Variants in BIRC6 observed in about 807,000 individuals in gnomAD.
BIRC6 encodes the protein dual E2 ubiquitin-conjugating enzyme/E3 ubiquitin-protein ligase BIRC6.
In BIRC6, 98 loss-of-function variants were observed where a neutral mutation model predicts 503.3. The ratio of observed to expected loss-of-function variants is 0.19; its 90% confidence interval spans 0.17 to 0.23. The LOEUF is 0.23. Ranked by LOEUF, BIRC6 falls within the 10% of genes least tolerant of loss-of-function variation. The pLI, the probability that BIRC6 is intolerant of heterozygous loss-of-function variation, is 1.00. For synonymous variants in BIRC6, 2,240 were observed against 2,078.7 expected (o/e 1.08, Z -2.11); for missense variants, 5,360 against 5,806.0 (o/e 0.92, Z 2.50).
At chr2:32,379,886 A>G (rs989807192) in intron 2 of BIRC6, among the ~76,000 whole-genome samples, 2 of 151,844 alleles carry the variant, frequency 1.3e-5, no homozygotes, top group Non-Finnish European at 2.9e-5. Flanking sequence ...CCATTTTTCT[A>G]TCTTGATTTG....
intron 71 of BIRC6, among the ~76,000 whole-genome samples, chr2:32,604,891 TTTTC>T (rs1169156127): frequency 1.5e-5 from 2 of 137,350 alleles, no homozygotes; most frequent in Admixed American, 1.5e-4. Flanking sequence ...TTTTCTTTTC[TTTTC>T]TTTTTTTTTT....
At chr2:32,389,446 C>T (rs369444593) in intron 4 of BIRC6, among the ~76,000 whole-genome samples, 5 of 150,844 alleles carry the variant, frequency 3.3e-5, no homozygotes, top group African/African-American at 4.9e-5. Context: ...TTATGCTGCT[C>T]GCCCTGGATT....
At chr2:32,389,825 T>C (rs1208688406) in intron 4 of BIRC6, among the ~76,000 whole-genome samples, 1 of 151,964 alleles carries the variant, frequency 6.6e-6, no homozygotes, top group Non-Finnish European at 1.5e-5. Context: ...GCCTCCTGAG[T>C]AGCTGGAATT....
intron 32 of BIRC6, among the ~76,000 whole-genome samples, chr2:32,471,532 G>A (rs549653660): frequency 6.6e-6 from 1 of 152,222 alleles, no homozygotes; most frequent in East Asian, 1.9e-4. Context: ...CAAATGGCCT[G>A]TATTTTTAAA....
intron 10 of BIRC6, among the ~76,000 whole-genome samples, chr2:32,418,507 G>C (rs1416932782): frequency 6.6e-6 from 1 of 152,156 alleles, no homozygotes. Context: ...TACAACAAAA[G>C]ATGAAGAATC....
intron 21 of BIRC6, among the ~76,000 whole-genome samples, chr2:32,447,661 C>G (rs1487537889): frequency 8.1e-6 from 1 of 122,722 alleles, no homozygotes; most frequent in Non-Finnish European, 1.8e-5. Context: ...GGGCTGACCC[C>G]CCCTCCCCCC....
rs1352393254 is a variant in BIRC6 at position 32,571,922 on chromosome 2, C to T, written c.13145-3234C>T. 2.6e-5 allele frequency among the ~76,000 whole-genome samples: 4 copies of T among 152,046 alleles called. No homozygotes were observed. In the South Asian group the frequency reaches 8.3e-4, roughly 32 times the overall value. ...ATATCCCACAGTTTTTCTGATGTTG[C>T]GTTTCATTTTCATTCATTTCAAAAA... On this transcript the variant is annotated intron_variant, in intron 65 of 73. Coordinates refer to ENST00000421745, the MANE Select transcript of BIRC6 (RefSeq NM_016252.4).
intron 3 of BIRC6, among the ~76,000 whole-genome samples, chr2:32,384,768 T>C (rs532229590): frequency 1.4e-4 from 22 of 152,288 alleles, no homozygotes; most frequent in Non-Finnish European, 2.4e-4. Context: ...TGCCATGGTA[T>C]TTTGCACACA....
chr2:32,517,987 C>T (rs565215891), intron 55 of BIRC6, among the ~76,000 whole-genome samples: 6 of 151,476 alleles, frequency 4.0e-5, no homozygotes, highest in South Asian at 4.2e-4. Context: ...ATGTGCAAAC[C>T]GTTTAGTACT....
At chr2:32,555,136 A>T (rs2058686073) in intron 65 of BIRC6, among the ~76,000 whole-genome samples, 1 of 152,186 alleles carries the variant, frequency 6.6e-6, no homozygotes, top group Non-Finnish European at 1.5e-5. Flanking sequence ...CATGATACTT[A>T]ACTGTATATC....
At chr2:32,386,185 G>C (rs572597569) in intron 3 of BIRC6, among the ~76,000 whole-genome samples, 3 of 152,234 alleles carry the variant, frequency 2.0e-5, no homozygotes, top group Non-Finnish European at 2.9e-5. Context: ...TATTGTTCCT[G>C]CCAGGTAAAA....
intron 46 of BIRC6, among the ~76,000 whole-genome samples, chr2:32,500,610 T>TTG (rs1553467539): frequency 6.9e-6 from 1 of 145,224 alleles, no homozygotes; most frequent in Non-Finnish European, 1.5e-5. Flanking sequence ...GTTTTTGTTT[T>TTG]TTTTTTTTTT....
intron 10 of BIRC6, among the ~76,000 whole-genome samples, chr2:32,425,454 T>TTTCA (rs2043381833): frequency 1.3e-5 from 2 of 149,266 alleles, no homozygotes; most frequent in Non-Finnish European, 3.0e-5. Flanking sequence ...TTTTTTCTCC[T>TTTCA]GTAAATGGGC....
At chr2:32,431,132 G>T (rs1333926418) in intron 12 of BIRC6, 42 bp downstream of exon 12, 1 of 1,167,206 alleles carries the variant, frequency 8.6e-7, no homozygotes, top group Non-Finnish European at 1.2e-6. Flanking sequence ...AGTCCATCTT[G>T]TGTATTTGTC....
chr2:32,604,656 A>G (rs2151592626), intron 71 of BIRC6, among the ~76,000 whole-genome samples: 1 of 152,296 alleles, frequency 6.6e-6, no homozygotes, highest in African/African-American at 2.4e-5. Context: ...GCAGACAATA[A>G]ATTATAGCCA....
chr2:32,385,140 G>GGGGCTAT (rs1391624548), intron 3 of BIRC6, among the ~76,000 whole-genome samples: 1 of 152,218 alleles, frequency 6.6e-6, no homozygotes, highest in Admixed American at 6.5e-5. Flanking sequence ...CCTTGTGATT[G>GGGGCTAT]GGGCTATGAT....
chr2:32,583,396 C>T (rs1168582191), intron 66 of BIRC6, among the ~76,000 whole-genome samples: 1 of 152,120 alleles, frequency 6.6e-6, no homozygotes, highest in Non-Finnish European at 1.5e-5. Flanking sequence ...GTAATAACTG[C>T]ATGGTGTTAA....
chr2:32,501,743 A>T lies in BIRC6; in HGVS notation c.9062A>T (p.Glu3021Val). The T allele has an allele frequency of 6.2e-7, 1 of 1,612,452 alleles. No homozygotes were observed. The highest frequency in any genetic ancestry group is 8.5e-7 in the Non-Finnish European group (1 of 1,179,502). Residue 3021 changes from glutamate (E) to valine (V), a missense_variant, in exon 47 of 74, where the codon GAA (glutamate) becomes GTA (valine). Glu to Val is a moderately radical substitution (Grantham distance 121, BLOSUM62 -2). This residue lies in a region of BIRC6 where 267 missense variants were observed against 287.6 expected (regional missense o/e 0.93). Coordinates refer to ENST00000421745, the MANE Select transcript of BIRC6 (RefSeq NM_016252.4). ...AGTGGATTACATCTCACTAAACATG[A>T]AAACTTTCATGGTGGGTTGGATGCC... ...GASGLHLTKH[E>V]NFHGGLDAIS...
intron 61 of BIRC6, among the ~76,000 whole-genome samples, chr2:32,537,579 C>T (rs764515239): frequency 2.0e-5 from 3 of 152,144 alleles, no homozygotes; most frequent in Non-Finnish European, 2.9e-5. Context: ...CCTCGCCCAT[C>T]GCCTCTCAAA....
Sources: gnomAD v4.1 joint callset for allele counts (sites outside exome capture counted in the v4.1 genomes callset) on GRCh38, gnomAD v4.1.1 for gene constraint, gnomAD v4.1.1 regional missense constraint, MANE v1.5 for transcripts, NCBI Gene and HGNC (gene_info 2026-07-23, HGNC 2026-07-21) for gene names.